The following DUSP4 variants were observed in gnomAD, a reference collection of about 807,000 sequenced individuals.
DUSP4 encodes the protein dual specificity protein phosphatase 4.
DUSP4 carries 12 observed loss-of-function variants against 27.2 expected under a neutral mutation model. That is an observed-to-expected ratio of 0.44 (90% CI 0.28 to 0.71). The LOEUF is 0.71. DUSP4 is among the 30% of genes least tolerant of loss of function. The pLI, the probability that DUSP4 is intolerant of heterozygous loss-of-function variation, is 0.14. For missense variants in DUSP4, 448 were observed against 551.3 expected (o/e 0.81, Z 1.88); for synonymous variants, 257 against 245.2 (o/e 1.05, Z -0.45).
chr8:29,347,995 C>A lies in DUSP4; in HGVS notation c.433+1851G>T, dbSNP rs889322125. ...GAGCGGGGCCTAAGTGGCTGCACCC[C>A]CGGAAGCCCAAGGGCCGAGGTCCTG... On this transcript the variant is annotated intron_variant, in intron 1 of 3. Transcript: ENST00000240100. 9 of 985,428 alleles carry A rather than the reference C, an allele frequency of 9.1e-6. No homozygotes were observed. In the African/African-American group the frequency reaches 1.6e-4, roughly 17 times the overall value. 61.0% of individuals were successfully genotyped at this position (985,428 alleles called of 1,614,324 possible).
At chr8:29,340,377 G>A (rs1817641025) in intron 1 of DUSP4, 134 bp from the exon 2 acceptor site, 2 of 1,153,540 alleles carry the variant, frequency 1.7e-6, no homozygotes, top group Non-Finnish European at 1.2e-6. Flanking sequence ...GCCACTAGGT[G>A]GCGCTGTGGA....
chr8:29,346,829 A>ATT (rs1693165738), intron 1 of DUSP4, among the ~76,000 whole-genome samples: 2 of 152,232 alleles, frequency 1.3e-5, no homozygotes, highest in Non-Finnish European at 2.9e-5. Flanking sequence ...CGTGGCAGAA[A>ATT]TAGAAAAACT....
intron 1 of DUSP4, among the ~76,000 whole-genome samples, chr8:29,344,847 T>TTC (rs1817705116): frequency 6.7e-6 from 1 of 149,636 alleles, no homozygotes; most frequent in Non-Finnish European, 1.5e-5. Context: ...TTTTTTTTTT[T>TTC]CCCCAGACAG....
At chr8:29,347,426 C>G (rs1817751729) in intron 1 of DUSP4, among the ~76,000 whole-genome samples, 1 of 152,238 alleles carries the variant, frequency 6.6e-6, no homozygotes, top group African/African-American at 2.4e-5. Flanking sequence ...TCAAAATCAG[C>G]TAAGCTAAAC....
At chr8:29,341,204 T>C (rs964224023) in intron 1 of DUSP4, among the ~76,000 whole-genome samples, 6 of 152,208 alleles carry the variant, frequency 3.9e-5, no homozygotes, top group African/African-American at 1.4e-4. Context: ...ATTGATTCAG[T>C]AGGGCCTGTG....
At chr8:29,339,491 G>A (rs1325580512) in intron 2 of DUSP4, among the ~76,000 whole-genome samples, 1 of 152,180 alleles carries the variant, frequency 6.6e-6, no homozygotes, top group African/African-American at 2.4e-5. Flanking sequence ...TTCCCAGAGA[G>A]CAGGTCCCCC....
At chr8:29,348,274 T>G in intron 1 of DUSP4, 1 of 985,546 alleles carries the variant, frequency 1.0e-6, no homozygotes, top group Non-Finnish European at 1.2e-6. Flanking sequence ...CCAGAGGAAT[T>G]GCCCTCATCT....
At chr8:29,348,874 A>AGGCGCAGCGCGGCGGGGGGCGCC in intron 1 of DUSP4, 1 of 859,676 alleles carries the variant, frequency 1.2e-6, no homozygotes, top group Non-Finnish European at 1.4e-6. Context: ...CGGGAGGCGG[A>AGGCGCAGCGCGGCGGGGGGCGCC]GGCGCAGCGC....
chr8:29,345,329 T>C, intron 1 of DUSP4: 1 of 1,609,672 alleles, frequency 6.2e-7, no homozygotes, highest in Non-Finnish European at 8.5e-7. Context: ...CCTATGTAAA[T>C]GCTGAGCTGT....
rs748517930 is a variant in DUSP4, at chr8:29,350,225, C to T, written c.54G>A (p.Leu18=). ...CGCCGCCATTCTCGTCCCGGTTCAT[C>T]AGCCTTTTGAGCACACTGCAGTCCA... The part of the protein sequence containing the change: ...REMDCSVLKR[L]MNRDENGGGA... Residue 18 remains leucine (L), a synonymous_variant, in exon 1 of 4, where the codon CTG becomes CTA. Coordinates refer to ENST00000240100, the MANE Select transcript of DUSP4 (RefSeq NM_001394.7). 1 of 1,608,724 alleles carries T rather than the reference C, an allele frequency of 6.2e-7. No homozygotes were observed. The highest frequency in any genetic ancestry group is 1.7e-5 in the Admixed American group (1 of 59,770).
intron 1 of DUSP4, among the ~76,000 whole-genome samples, chr8:29,340,769 G>A (rs187231955): frequency 1.5e-4 from 23 of 152,212 alleles, no homozygotes; most frequent in Admixed American, 9.2e-4. Flanking sequence ...TAGCTGTTCC[G>A]TCACCAAGAG....
chr8:29,339,434 T>C (rs1156898311), intron 2 of DUSP4, among the ~76,000 whole-genome samples: 1 of 152,132 alleles, frequency 6.6e-6, no homozygotes, highest in Non-Finnish European at 1.5e-5. Context: ...TGTCGGGGAC[T>C]GAGATGTATT....
rs778849807 is a variant in DUSP4 at position 29,350,103 on chromosome 8, C to T, written c.176G>A (p.Gly59Asp). ...DCRPFLAHSA[G>D]YILGSVNVRC... ...CACGTTGACCGAACCTAGGATGTAG[C>T]CCGCGCTGTGCGCCAGGAACGGTCT... Residue 59 changes from glycine (G) to aspartate (D), a missense_variant, in exon 1 of 4, where the codon GGC (glycine) becomes GAC (aspartate). Gly to Asp is a moderately conservative substitution (Grantham distance 94, BLOSUM62 -1). Coordinates refer to ENST00000240100, the MANE Select transcript of DUSP4 (RefSeq NM_001394.7). The T allele has an allele frequency of 6.2e-7, 1 of 1,608,730 alleles. No individual in the cohort carries two copies. The highest frequency in any genetic ancestry group is 8.5e-7 in the Non-Finnish European group (1 of 1,178,848).
At chr8:29,340,455 C>A (rs979948666) in intron 1 of DUSP4, among the ~76,000 whole-genome samples, 9 of 152,072 alleles carry the variant, frequency 5.9e-5, no homozygotes, top group African/African-American at 1.9e-4. Context: ...TGCAGCAAAG[C>A]TGGAAGGATA....
chr8:29,349,109 A>C (rs1008024947), intron 1 of DUSP4, among the ~76,000 whole-genome samples: 7 of 152,156 alleles, frequency 4.6e-5, no homozygotes, highest in African/African-American at 1.7e-4. Flanking sequence ...AGATAGTCGA[A>C]AATCCGGGCT....
intron 2 of DUSP4, among the ~76,000 whole-genome samples, chr8:29,339,655 A>G (rs1817626828): frequency 6.6e-6 from 1 of 152,230 alleles, no homozygotes; most frequent in South Asian, 2.1e-4. Context: ...TCCCACCCCA[A>G]TACTCCGGGT....
chr8:29,333,585 C>G lies in DUSP4; in HGVS notation c.*3441G>C, dbSNP rs988556199. On this transcript the variant is annotated 3_prime_UTR_variant, in exon 4 of 4. Coordinates refer to ENST00000240100, the MANE Select transcript of DUSP4 (RefSeq NM_001394.7). Reference sequence around the variant, plus strand: ...GGCAAACCCGTGGCTGTGGTTTCCACAAGACAACCTGGCTCTGTGCTGTCA... The same window carrying G: ...GGCAAACCCGTGGCTGTGGTTTCCAGAAGACAACCTGGCTCTGTGCTGTCA... 2.0e-5 allele frequency: 3 copies of G among 152,226 alleles called. No homozygotes were observed. The highest frequency in any genetic ancestry group is 3.9e-4 in the East Asian group (2 of 5,194). The allele number at this position is 152,226 out of a possible 1,614,324, so 9.4% of individuals were successfully genotyped here.
intron 1 of DUSP4, among the ~76,000 whole-genome samples, chr8:29,343,437 T>C (rs1049577524): frequency 3.3e-5 from 5 of 152,150 alleles, no homozygotes; most frequent in African/African-American, 1.2e-4. Flanking sequence ...AGTTAGCATT[T>C]ATCCATCGGT....
intron 1 of DUSP4, among the ~76,000 whole-genome samples, chr8:29,343,422 A>C (rs1467453770): frequency 1.3e-5 from 2 of 152,162 alleles, no homozygotes; most frequent in African/African-American, 2.4e-5. Context: ...GGGAGGATGC[A>C]TGCAAGTTAG....
Sources: gnomAD v4.1 joint callset for allele counts (sites outside exome capture counted in the v4.1 genomes callset) on GRCh38, gnomAD v4.1.1 for gene constraint, MANE v1.5 for transcripts, NCBI Gene and HGNC (gene_info 2026-07-23, HGNC 2026-07-21) for gene names.